Variants in TCF12 observed in about 807,000 individuals in gnomAD.
The protein encoded by TCF12 is DNA-binding protein HTF4.
A neutral mutation model predicts 86.0 loss-of-function variants in TCF12; 45 were observed. The ratio of observed to expected loss-of-function variants is 0.52; its 90% CI spans 0.41 to 0.67. TCF12 has a LOEUF of 0.67. Among genes scored for constraint, TCF12 ranks in the 30% least tolerant of loss-of-function variants. The probability of loss-of-function intolerance (pLI) is 0.00; values close to 1 mark genes in which losing one functional copy is unlikely to be tolerated. For missense variants in TCF12, 881 were observed against 859.9 expected, an observed-to-expected ratio of 1.02 and a Z score of -0.31; for synonymous variants, 330 against 299.6, an observed-to-expected ratio of 1.10 and a Z score of -1.05.
At chr15:57,221,411 T>C (rs960981027) in intron 8 of TCF12, among the ~76,000 whole-genome samples, 9 of 147,346 alleles carry the variant, frequency 6.1e-5, no homozygotes, top group Admixed American at 2.1e-4. Context: ...TGTGTGTGTG[T>C]GCACGTGTAT....
At chr15:57,106,483 A>C (rs1303109440) in intron 5 of TCF12, among the ~76,000 whole-genome samples, 3 of 152,242 alleles carry the variant, frequency 2.0e-5, no homozygotes, top group Non-Finnish European at 2.9e-5. Flanking sequence ...AATATACAAG[A>C]AATTGCCAAC....
At chr15:57,045,948 A>G (rs1175864246) in intron 3 of TCF12, among the ~76,000 whole-genome samples, 4 of 152,198 alleles carry the variant, frequency 2.6e-5, no homozygotes, top group African/African-American at 9.7e-5. Flanking sequence ...CAAATGGGAA[A>G]TCCAACTTAG....
At chr15:57,238,391 A>G (rs2059465990) in intron 12 of TCF12, among the ~76,000 whole-genome samples, 1 of 152,172 alleles carries the variant, frequency 6.6e-6, no homozygotes, top group South Asian at 2.1e-4. Context: ...TTTCAGGGAA[A>G]ATCGGGATTG....
chr15:57,098,889 G>T (rs2733339), intron 5 of TCF12, among the ~76,000 whole-genome samples: 2,592 of 152,190 alleles, frequency 0.017, 41 homozygotes, highest in Non-Finnish European at 0.027. Flanking sequence ...CAAATGTTTC[G>T]TTGAAAGAAT....
chr15:56,934,881 T>G (rs1227050449), intron 3 of TCF12, among the ~76,000 whole-genome samples: 2 of 152,096 alleles, frequency 1.3e-5, no homozygotes, highest in Non-Finnish European at 2.9e-5. Context: ...TTAACTGGGT[T>G]TGGGAGAAAA....
At chr15:57,172,029 A>T (rs1337162532) in intron 6 of TCF12, among the ~76,000 whole-genome samples, 1 of 152,210 alleles carries the variant, frequency 6.6e-6, no homozygotes, top group African/African-American at 2.4e-5. Context: ...CCCTTGAAAA[A>T]ATGACAGCTT....
chr15:57,146,482 T>C (rs750294032), intron 5 of TCF12, among the ~76,000 whole-genome samples: 3 of 152,214 alleles, frequency 2.0e-5, no homozygotes, highest in Non-Finnish European at 4.4e-5. Flanking sequence ...AGGAGAGTTA[T>C]CAAGTTCTAT....
At chr15:57,177,808 C>T (rs936619871) in intron 6 of TCF12, among the ~76,000 whole-genome samples, 1 of 152,056 alleles carries the variant, frequency 6.6e-6, no homozygotes, top group Non-Finnish European at 1.5e-5. Context: ...GCAGCCTTGA[C>T]CTCCCAGGTT....
chr15:56,994,220 T>C (rs1596010994), intron 3 of TCF12, among the ~76,000 whole-genome samples: 3 of 152,264 alleles, frequency 2.0e-5, no homozygotes, highest in Middle Eastern at 6.8e-3. Context: ...TTTAAAAAAT[T>C]GAACAGAGCC....
At chr15:57,128,795 T>C (rs1329385464) in intron 5 of TCF12, among the ~76,000 whole-genome samples, 4 of 152,258 alleles carry the variant, frequency 2.6e-5, no homozygotes, top group African/African-American at 9.6e-5. Context: ...ATATGTGGTC[T>C]TTTGTGACTG....
chr15:57,157,677 C>T (rs1343414281), intron 5 of TCF12, among the ~76,000 whole-genome samples: 4 of 151,818 alleles, frequency 2.6e-5, no homozygotes, highest in Admixed American at 1.3e-4. Context: ...AGTCTCCTGC[C>T]TCAGCCTCCC....
At chr15:57,117,816 T>C (rs904890008) in intron 5 of TCF12, among the ~76,000 whole-genome samples, 48 of 152,342 alleles carry the variant, frequency 3.2e-4, no homozygotes, top group African/African-American at 1.1e-3. Context: ...ACTTGTATAA[T>C]TTCCATAGTG....
chr15:57,048,993 C>T (rs1286299033), intron 3 of TCF12, among the ~76,000 whole-genome samples: 1 of 152,130 alleles, frequency 6.6e-6, no homozygotes, highest in Non-Finnish European at 1.5e-5. Flanking sequence ...GAATGACTCA[C>T]CAAAGTTGCT....
At position 57,080,304 on chromosome 15, in the gene TCF12, A is replaced by G. The variant is rs2703607; in HGVS notation, c.223-11485A>G. ...AGTTCCAGCATTTCAGCTGCTGAGC[A>G]CTCTGCAAGAGAAACTGTATACTGT... On this transcript the variant is annotated intron_variant, in intron 4 of 20. Transcript: ENST00000333725. Among the ~76,000 whole-genome samples, 270 of 152,282 alleles carry G rather than the reference A, an allele frequency of 1.8e-3. 2 individuals carry two copies. Among genetic ancestry groups the G allele is most frequent in the Middle Eastern group, 6.8e-3 (2 of 294 alleles).
intron 3 of TCF12, among the ~76,000 whole-genome samples, chr15:57,056,697 A>T (rs1273491880): frequency 6.6e-6 from 1 of 151,240 alleles, no homozygotes; most frequent in East Asian, 1.9e-4. Flanking sequence ...GGACTCAAGC[A>T]ATCCACCTGC....
intron 12 of TCF12, among the ~76,000 whole-genome samples, chr15:57,235,538 A>T (rs926301437): frequency 1.3e-5 from 2 of 152,230 alleles, no homozygotes; most frequent in African/African-American, 4.8e-5. Context: ...ATTGATGAGA[A>T]TGAAAGAAAA....
chr15:57,054,469 C>A (rs952035059), intron 3 of TCF12, among the ~76,000 whole-genome samples: 9 of 152,120 alleles, frequency 5.9e-5, no homozygotes, highest in Admixed American at 6.5e-5. Context: ...TTTTCATCTT[C>A]CTTTTCTAAC....
chr15:56,946,878 A>G (rs1349466037), intron 3 of TCF12, among the ~76,000 whole-genome samples: 2 of 148,328 alleles, frequency 1.3e-5, no homozygotes, highest in Non-Finnish European at 3.0e-5. Context: ...GCTCACTGCA[A>G]CCTCTCTCTC....
In TCF12 at chr15:57,073,516, G is replaced by A. The variant is rs78112505; in HGVS notation, c.222+9693G>A. On this transcript the variant is annotated intron_variant, in intron 4 of 20. Transcript: ENST00000333725. ...GTTACCTGCTTTGATCTTCACACGA[G>A]CTCACCAAGAAGCCATTTTTAAAAT... Among the ~76,000 whole-genome samples, 73 of 152,248 alleles carry A rather than the reference G, an allele frequency of 4.8e-4. 2 individuals carry two copies. In the East Asian group the frequency reaches 0.013, roughly 27 times the overall value.
Sources: allele counts gnomAD v4.1 joint callset (sites outside exome capture counted in the v4.1 genomes callset), GRCh38; gene constraint gnomAD v4.1.1; transcripts MANE v1.5; gene names NCBI Gene and HGNC (gene_info 2026-07-23, HGNC 2026-07-21).